CCDC171: variants seen among roughly 807,000 people sequenced by gnomAD.
CCDC171 encodes the protein coiled-coil domain-containing protein 171.
Under a neutral mutation model 168.2 loss-of-function variants are expected in CCDC171, and 177 were observed. That is an observed-to-expected ratio of 1.05 (90% CI 0.93 to 1.19). The LOEUF is 1.19. Among genes scored for constraint, CCDC171 ranks in the 50% most tolerant of loss-of-function variants. The pLI is 0.00. For synonymous variants in CCDC171, 687 were observed against 540.8 expected, an observed-to-expected ratio of 1.27 and a Z score of -3.75; for missense variants, 1,991 against 1,539.0, an observed-to-expected ratio of 1.29 and a Z score of -4.91.
At chr9:16,036,683 A>C (rs1217567208) in intron 8 of CCDC171, among the ~76,000 whole-genome samples, 1 of 152,218 alleles carries the variant, frequency 6.6e-6, no homozygotes, top group Non-Finnish European at 1.5e-5. Context: ...TACCTATCTT[A>C]ACTAGCACCA....
At chr9:15,755,962 A>C (rs1460193929) in intron 18 of CCDC171, among the ~76,000 whole-genome samples, 2 of 152,228 alleles carry the variant, frequency 1.3e-5, no homozygotes, top group Admixed American at 1.3e-4. Flanking sequence ...GTTTAATTAT[A>C]TCTCTAGAAA....
rs1425058109 is a variant in CCDC171 at position 15,676,452 on chromosome 9, A to G, written c.1077-2306A>G. The stretch of plus-strand genomic sequence containing the variant: ...AGCTGTGATCCTTAGTTGCAAATGC[A>G]GAAATCACCCATCTTCTGCGTTGAT... On this transcript the variant is annotated intron_variant, in intron 9 of 25. Coordinates refer to ENST00000380701, the MANE Select transcript of CCDC171 (RefSeq NM_173550.4). Among the ~76,000 whole-genome samples, 8 of 151,650 alleles carry G rather than the reference A, an allele frequency of 5.3e-5. No individual in the cohort carries two copies. The South Asian group carries it at 6.3e-4, about 12-fold the overall frequency.
At chr9:15,955,423 C>T (rs1009125765) in intron 25 of CCDC171, among the ~76,000 whole-genome samples, 1 of 151,990 alleles carries the variant, frequency 6.6e-6, no homozygotes, top group East Asian at 1.9e-4. Flanking sequence ...TGATAAGAAG[C>T]GACAATCAGA....
chr9:15,936,237 G>T (rs1204156297), intron 25 of CCDC171, among the ~76,000 whole-genome samples: 1 of 151,880 alleles, frequency 6.6e-6, no homozygotes, highest in Admixed American at 6.6e-5. Context: ...TAACAGAGTT[G>T]CTTAATTTGG....
chr9:15,998,921 AT>A (rs1466483431), intron 3 of CCDC171, among the ~76,000 whole-genome samples: 2 of 152,168 alleles, frequency 1.3e-5, no homozygotes, highest in Non-Finnish European at 2.9e-5. Flanking sequence ...TGAATTTCTC[AT>A]TCCCCAAAGC....
rs535757146 is a variant in CCDC171, at chr9:16,050,448, A to T, written n.89+7562A>T. Among the ~76,000 whole-genome samples the T allele has an allele frequency of 1.8e-3, 149 of 82,166 alleles. 2 individuals are homozygous for T. In the East Asian group the frequency reaches 0.067, roughly 37 times the overall value. 53.9% of individuals were successfully genotyped at this position (82,166 alleles called of 152,430 possible). On this transcript the variant is annotated intron_variant and non_coding_transcript_variant, in intron 1 of 1. Coordinates refer to the CCDC171 transcript ENST00000478913. ...TTGTATTTTGAAGATCTTAGAGGTA[A>T]AAATGCAGATGAACAATACAAGAAC...
intron 1 of CCDC171, among the ~76,000 whole-genome samples, chr9:16,043,493 A>G (rs193135178): frequency 1.3e-5 from 2 of 152,348 alleles, no homozygotes; most frequent in Admixed American, 1.3e-4. Flanking sequence ...CAGATTTCGT[A>G]AAACCATTCT....
At chr9:15,671,344 T>A (rs976142514) in intron 9 of CCDC171, among the ~76,000 whole-genome samples, 1 of 151,984 alleles carries the variant, frequency 6.6e-6, no homozygotes, top group Non-Finnish European at 1.5e-5. Flanking sequence ...TTTTTTTAAA[T>A]TTATTTTTAT....
At chr9:15,565,944 A>G (rs1049026668) in intron 2 of CCDC171, among the ~76,000 whole-genome samples, 1 of 152,230 alleles carries the variant, frequency 6.6e-6, no homozygotes, top group African/African-American at 2.4e-5. Context: ...TTGTGTTCTG[A>G]AGTGGCTGGG....
chr9:16,097,015 G>GA, the CCDC171 span, among the ~76,000 whole-genome samples: 3 of 152,180 alleles, frequency 2.0e-5, no homozygotes, highest in South Asian at 6.2e-4. Flanking sequence ...TCGGAAAGAA[G>GA]AAGAGAGGTT....
chr9:15,559,871 G>T (rs775417079), intron 1 of CCDC171, among the ~76,000 whole-genome samples: 5 of 152,038 alleles, frequency 3.3e-5, no homozygotes, highest in Non-Finnish European at 7.4e-5. Flanking sequence ...GGCTGGTACC[G>T]GTTGTTCCTT....
chr9:16,024,920 T>A (rs1833245241), intron 6 of CCDC171, among the ~76,000 whole-genome samples: 1 of 152,234 alleles, frequency 6.6e-6, no homozygotes, highest in African/African-American at 2.4e-5. Flanking sequence ...TGCCTGGGAC[T>A]GAGGCAGTTC....
chr9:15,670,710 G>A (rs773036774), intron 9 of CCDC171, among the ~76,000 whole-genome samples: 1 of 151,770 alleles, frequency 6.6e-6, no homozygotes, highest in Non-Finnish European at 1.5e-5. Context: ...TTTAATTTTT[G>A]TTAACCCATC....
At chr9:15,698,155 C>G (rs945513692) in intron 11 of CCDC171, among the ~76,000 whole-genome samples, 4 of 152,136 alleles carry the variant, frequency 2.6e-5, no homozygotes, top group African/African-American at 9.7e-5. Context: ...TACCATCCTC[C>G]ACACTGCCAC....
At chr9:15,561,072 G>A (rs10962068) in intron 1 of CCDC171, among the ~76,000 whole-genome samples, 36 of 152,168 alleles carry the variant, frequency 2.4e-4, no homozygotes, top group Non-Finnish European at 3.5e-4. Flanking sequence ...TGTCGCTCAC[G>A]CTGGGAGCTA....
At chr9:15,854,029 T>C (rs1186405439) in intron 23 of CCDC171, among the ~76,000 whole-genome samples, 7 of 150,514 alleles carry the variant, frequency 4.7e-5, no homozygotes, top group African/African-American at 1.2e-4. Flanking sequence ...TTGAGGGTTA[T>C]TGCATCTAAA....
intron 23 of CCDC171, among the ~76,000 whole-genome samples, chr9:15,859,163 C>T (rs972338257): frequency 6.6e-6 from 1 of 151,902 alleles, no homozygotes. Flanking sequence ...GAATTTTGTC[C>T]TTCATTCTGT....
chr9:15,778,904 G>C (rs2057497149), intron 19 of CCDC171, 64 bp from the exon 20 acceptor site: 3 of 1,129,070 alleles, frequency 2.7e-6, no homozygotes. Flanking sequence ...TTAGTAAAAT[G>C]GTTATTGCTA....
chr9:15,955,706 T>C (rs1829730679), intron 25 of CCDC171, among the ~76,000 whole-genome samples: 1 of 152,194 alleles, frequency 6.6e-6, no homozygotes, highest in African/African-American at 2.4e-5. Flanking sequence ...AATTGTTGTC[T>C]AGCTGGTTCC....
Sources: gnomAD v4.1 joint callset for allele counts (sites outside exome capture counted in the v4.1 genomes callset) on GRCh38, gnomAD v4.1.1 for gene constraint, MANE v1.5 for transcripts, NCBI Gene and HGNC (gene_info 2026-07-23, HGNC 2026-07-21) for gene names.